Variants in DENND1A observed in about 807,000 individuals in gnomAD.
The protein encoded by DENND1A is DENN domain-containing protein 1A.
DENND1A carries 51 observed loss-of-function variants against 113.7 expected under a neutral mutation model. The ratio of observed to expected loss-of-function variants is 0.45; its 90% CI spans 0.36 to 0.57. The LOEUF (loss-of-function observed/expected upper bound fraction) is 0.57. DENND1A is among the 20% of genes least tolerant of loss of function. The pLI is 0.00. For synonymous variants in DENND1A, 565 were observed against 570.8 expected, an observed-to-expected ratio of 0.99 and a Z score of 0.14; for missense variants, 1,258 against 1,395.9, an observed-to-expected ratio of 0.90 and a Z score of 1.57.
rs1049551410 is a variant in DENND1A, at chr9:123,919,848, C to A, written c.17+10041G>T. Reference sequence around the variant, plus strand: ...AGCGTGCCGAGATTGCATCACTGCACTCCAGCCTGGGTGACAGAGTGAGAC... The same window carrying A: ...AGCGTGCCGAGATTGCATCACTGCAATCCAGCCTGGGTGACAGAGTGAGAC... On this transcript the variant is annotated intron_variant, in intron 1 of 23. Coordinates refer to ENST00000394215, the MANE Select transcript of DENND1A (RefSeq NM_001352964.2). Among the ~76,000 whole-genome samples the A allele has an allele frequency of 2.1e-5, 3 of 146,024 alleles. No individual in the cohort carries two copies. The Admixed American group carries it at 2.1e-4, about 10-fold the overall frequency.
chr9:123,541,288 A>G (rs1394104311), intron 13 of DENND1A, among the ~76,000 whole-genome samples: 1 of 152,186 alleles, frequency 6.6e-6, no homozygotes, highest in African/African-American at 2.4e-5. Flanking sequence ...AACCAAGAAA[A>G]TATACATAAA....
intron 18 of DENND1A, 83 bp from the exon 19 acceptor site, chr9:123,440,574 C>A: frequency 6.9e-7 from 1 of 1,451,976 alleles, no homozygotes. Flanking sequence ...AGAGGCCTGC[C>A]AGGCGACTCT....
chr9:123,722,782 T>C (rs2067431371), intron 5 of DENND1A, among the ~76,000 whole-genome samples: 1 of 152,248 alleles, frequency 6.6e-6, no homozygotes, highest in Non-Finnish European at 1.5e-5. Context: ...AATACCTGGA[T>C]GCCCAGGCAG....
intron 13 of DENND1A, among the ~76,000 whole-genome samples, chr9:123,537,171 C>T (rs2055850143): frequency 1.3e-5 from 2 of 151,684 alleles, no homozygotes; most frequent in African/African-American, 4.8e-5. Flanking sequence ...ATTACAAAAA[C>T]CTAAAAATGA....
intron 13 of DENND1A, among the ~76,000 whole-genome samples, chr9:123,529,531 C>CA (rs2055126265): frequency 6.6e-6 from 1 of 151,728 alleles, no homozygotes; most frequent in Admixed American, 6.6e-5. Context: ...AAGTGGTATA[C>CA]AAACAAACCT....
At chr9:123,529,991 A>G (rs933935820) in intron 13 of DENND1A, among the ~76,000 whole-genome samples, 5 of 152,218 alleles carry the variant, frequency 3.3e-5, no homozygotes, top group Non-Finnish European at 7.3e-5. Flanking sequence ...ACTATCACCT[A>G]TTCTGAAAGA....
At chr9:123,494,236 T>C (rs55758689) in intron 13 of DENND1A, among the ~76,000 whole-genome samples, 7,784 of 152,258 alleles carry the variant, frequency 0.051, 648 homozygotes, top group African/African-American at 0.18. Context: ...TTTTTTACAC[T>C]GGCTGTCCAA....
rs571367303 is a variant in DENND1A at position 123,583,124 on chromosome 9, T to C, written c.867+45A>G. 4 of 1,426,386 alleles carry C rather than the reference T, an allele frequency of 2.8e-6. No individual in the cohort carries two copies. The African/African-American group carries it at 4.3e-5, about 15-fold the overall frequency. 88.4% of individuals were successfully genotyped at this position (1,426,386 alleles called of 1,614,324 possible). ...TCCCCAAAGTCACGTTCATTTCCTTTGCAGGAGCTCACAGAAGTGAGATCC... is the reference window on the plus strand; with the variant it reads ...TCCCCAAAGTCACGTTCATTTCCTTCGCAGGAGCTCACAGAAGTGAGATCC... On this transcript the variant is annotated intron_variant, in intron 12 of 23. Transcript: ENST00000394215.
chr9:123,610,464 T>C (rs1159931945), intron 10 of DENND1A, among the ~76,000 whole-genome samples: 1 of 152,122 alleles, frequency 6.6e-6, no homozygotes, highest in Non-Finnish European at 1.5e-5. Flanking sequence ...TTCCCAAGTA[T>C]GCATTTCTTC....
intron 1 of DENND1A, among the ~76,000 whole-genome samples, chr9:123,913,531 A>G (rs1403448070): frequency 6.6e-6 from 1 of 152,204 alleles, no homozygotes; most frequent in Non-Finnish European, 1.5e-5. Flanking sequence ...AGGATACAAT[A>G]AAAGCAAATA....
chr9:123,651,953 G>A, intron 9 of DENND1A, 60 bp downstream of exon 9: 1 of 1,466,698 alleles, frequency 6.8e-7, no homozygotes. Context: ...TCATCTTGCT[G>A]GTGTATCTTT....
chr9:123,905,771 C>T (rs1330246650), intron 1 of DENND1A, among the ~76,000 whole-genome samples: 2 of 150,150 alleles, frequency 1.3e-5, no homozygotes, highest in African/African-American at 2.4e-5. Context: ...GACTTTAACA[C>T]CCCACTGTCA....
At chr9:123,915,246 T>C (rs935311851) in intron 1 of DENND1A, among the ~76,000 whole-genome samples, 5 of 152,166 alleles carry the variant, frequency 3.3e-5, no homozygotes, top group African/African-American at 1.2e-4. Context: ...GACCCTGATG[T>C]TATTAACATT....
At chr9:123,490,249 A>G (rs993874259) in intron 13 of DENND1A, among the ~76,000 whole-genome samples, 4 of 152,220 alleles carry the variant, frequency 2.6e-5, no homozygotes, top group Non-Finnish European at 4.4e-5. Flanking sequence ...ACAGAAGTAG[A>G]AAATCCTGAG....
chr9:123,685,360 T>C (rs2064744479), intron 5 of DENND1A, among the ~76,000 whole-genome samples: 1 of 152,242 alleles, frequency 6.6e-6, no homozygotes, highest in African/African-American at 2.4e-5. Context: ...TTAGTTAAGC[T>C]CAAGAATCTC....
At chr9:123,730,490 C>A (rs765349940) in intron 5 of DENND1A, among the ~76,000 whole-genome samples, 1 of 151,812 alleles carries the variant, frequency 6.6e-6, no homozygotes, top group African/African-American at 2.4e-5. Flanking sequence ...ATACAGCCAA[C>A]AAACATATGA....
chr9:123,583,286 A>C lies in DENND1A; in HGVS notation c.766-16T>G. ...TTCTGACTTTCTGCAAGGAGAAAAA[A>C]ATCCACAAGAGAAGGTCATTGAGGT... On this transcript the variant is annotated splice_polypyrimidine_tract_variant and intron_variant, in intron 11 of 23. Transcript: ENST00000394215. 1.2e-6 allele frequency: 2 copies of C among 1,602,246 alleles called. No homozygotes were observed. Among genetic ancestry groups the C allele is most frequent in the Non-Finnish European group, 1.7e-6 (2 of 1,171,042 alleles).
At chr9:123,805,436 A>AT (rs1835376386) in intron 2 of DENND1A, among the ~76,000 whole-genome samples, 1 of 138,276 alleles carries the variant, frequency 7.2e-6, no homozygotes, top group Non-Finnish European at 1.6e-5. Context: ...TAATTTATAC[A>AT]ATTTTTTTTT....
In DENND1A at chr9:123,470,195, T is replaced by C. The variant is rs146255685; in HGVS notation, c.994-12298A>G. Among the ~76,000 whole-genome samples, 113 of 152,278 alleles carry C rather than the reference T, an allele frequency of 7.4e-4. 1 individual carries two copies. Among genetic ancestry groups the C allele is most frequent in the African/African-American group, 2.4e-3 (100 of 41,542 alleles). On this transcript the variant is annotated intron_variant, in intron 13 of 23. Coordinates refer to ENST00000394215, the MANE Select transcript of DENND1A (RefSeq NM_001352964.2). ...GCTCTAGGCATTCAACCCCATTACA[T>C]AGGGTGAGTCCACAGTGCAGCGGTG...
Sources: allele counts gnomAD v4.1 joint callset (sites outside exome capture counted in the v4.1 genomes callset), GRCh38; gene constraint gnomAD v4.1.1; transcripts MANE v1.5; gene names NCBI Gene and HGNC (gene_info 2026-07-23, HGNC 2026-07-21).